Variants in RBBP8 observed in about 807,000 individuals in gnomAD.
RBBP8 encodes the protein DNA endonuclease RBBP8.
In RBBP8, 88 loss-of-function variants were observed where a neutral mutation model predicts 108.3. The ratio of observed to expected loss-of-function variants is 0.81; its 90% confidence interval spans 0.68 to 0.97. The LOEUF is 0.97. Among genes scored for constraint, RBBP8 ranks in the 50% least tolerant of loss-of-function variants. RBBP8 has a pLI of 0.00. For synonymous variants in RBBP8, 332 were observed against 348.2 expected (o/e 0.95, Z 0.52); for missense variants, 1,023 against 1,049.0 (o/e 0.98, Z 0.34).
chr18:22,936,693 T>C (rs2144395702), intron 1 of RBBP8, 61 bp from the exon 2 acceptor site: 2 of 753,122 alleles, frequency 2.7e-6, no homozygotes, highest in East Asian at 2.7e-5. Flanking sequence ...TGTTTCATCC[T>C]GATTTCAAAG....
intron 18 of RBBP8, among the ~76,000 whole-genome samples, chr18:23,022,651 TATAA>T (rs1429409066): frequency 7.1e-5 from 6 of 84,366 alleles, no homozygotes; most frequent in African/African-American, 2.9e-4. Context: ...TAAAATACAA[TATAA>T]AATAAAATAA....
chr18:22,985,504 G>A (rs1226767391), intron 8 of RBBP8, among the ~76,000 whole-genome samples: 3 of 152,078 alleles, frequency 2.0e-5, no homozygotes, highest in Admixed American at 6.6e-5. Flanking sequence ...TAGCAAGCCC[G>A]GAGGCTTTGC....
intron 4 of RBBP8, among the ~76,000 whole-genome samples, chr18:22,967,131 C>T (rs1414804920): frequency 6.6e-6 from 1 of 152,032 alleles, no homozygotes; most frequent in African/African-American, 2.4e-5. Flanking sequence ...CTTTGGGAGG[C>T]GGAAGCAAGC....
At chr18:22,928,859 A>G (rs573865509), upstream of RBBP8, among the ~76,000 whole-genome samples, 12 of 152,086 alleles carry the variant, frequency 7.9e-5, no homozygotes, top group African/African-American at 2.9e-4. Flanking sequence ...TAGTAGAAAC[A>G]GGGTTTCACC....
intron 4 of RBBP8, among the ~76,000 whole-genome samples, chr18:22,954,615 T>C (rs944684027): frequency 2.0e-5 from 3 of 152,154 alleles, no homozygotes; most frequent in Admixed American, 1.3e-4. Context: ...GTGCAAGCTG[T>C]TGGTGGATCT....
intron 8 of RBBP8, 181 bp downstream of exon 8, chr18:22,985,171 C>T (rs1194710164): frequency 5.9e-6 from 2 of 341,172 alleles, no homozygotes; most frequent in Non-Finnish European, 8.3e-6. Flanking sequence ...TATAAATATC[C>T]CTAATCATAT....
chr18:22,927,902 TAA>T (rs1189776313), intron 3 of RBBP8, among the ~76,000 whole-genome samples: 2 of 112,818 alleles, frequency 1.8e-5, no homozygotes. Flanking sequence ...CTCAAAAAAT[TAA>T]AAAAAAAAAA....
At chr18:22,948,014 C>T (rs966959156) in intron 3 of RBBP8, among the ~76,000 whole-genome samples, 1 of 152,112 alleles carries the variant, frequency 6.6e-6, no homozygotes, top group Middle Eastern at 3.4e-3. Context: ...GAGTTCTGTT[C>T]ATCATTTAAG....
At chr18:22,974,372 A>G (rs1005808032) in intron 5 of RBBP8, among the ~76,000 whole-genome samples, 1 of 152,222 alleles carries the variant, frequency 6.6e-6, no homozygotes, top group Non-Finnish European at 1.5e-5. Context: ...ATAATTATTC[A>G]TGAAACCTAG....
chr18:23,022,658 T>TAAATAAATATAAAA (rs2046383455), intron 18 of RBBP8, among the ~76,000 whole-genome samples: 1 of 83,760 alleles, frequency 1.2e-5, no homozygotes, highest in African/African-American at 3.3e-5. Flanking sequence ...CAATATAAAA[T>TAAATAAATATAAAA]AAAATAAAAT....
At chr18:22,953,763 A>G (rs1421524712) in intron 4 of RBBP8, among the ~76,000 whole-genome samples, 1 of 150,384 alleles carries the variant, frequency 6.6e-6, no homozygotes, top group Non-Finnish European at 1.5e-5. Context: ...TTTTCCCTGT[A>G]TTAGTCCATT....
rs989679332 is a variant in RBBP8 at position 23,011,612 on chromosome 18, T to G, written c.2357+5180T>G. On this transcript the variant is annotated intron_variant, in intron 16 of 18. Coordinates refer to ENST00000327155, the MANE Select transcript of RBBP8 (RefSeq NM_002894.3). ...CCACCACGCCTGGCTAATTTTTTTG[T>G]GTTTTTTTAGTAGAGATGGGGTTTC... 2.4e-4 allele frequency among the ~76,000 whole-genome samples: 36 copies of G among 151,900 alleles called. 1 individual carries two copies. The highest frequency in any genetic ancestry group is 1.9e-4 in the Non-Finnish European group (13 of 67,964).
chr18:22,951,500 C>G (rs1912033170), intron 4 of RBBP8, among the ~76,000 whole-genome samples: 2 of 152,322 alleles, frequency 1.3e-5, no homozygotes, highest in East Asian at 1.9e-4. Flanking sequence ...TCCCACTGTA[C>G]TCGTACAACA....
At chr18:22,931,149 G>T (rs1906546677), upstream of RBBP8, among the ~76,000 whole-genome samples, 3 of 152,166 alleles carry the variant, frequency 2.0e-5, no homozygotes, top group South Asian at 6.2e-4. Context: ...GAGGTTACAT[G>T]GTACTGTAGG....
rs747770290 is a variant in RBBP8, at chr18:22,968,803, T to A, written c.249-3T>A. Reference sequence around the variant, plus strand: ...ATGAAAAATACCTTGTTTTGTTTCATAGGTTAAGAGCAGGCTTATGTGATC... The same window carrying A: ...ATGAAAAATACCTTGTTTTGTTTCAAAGGTTAAGAGCAGGCTTATGTGATC... On this transcript the variant is annotated splice_region_variant and splice_polypyrimidine_tract_variant and intron_variant, in intron 4 of 18. Coordinates refer to ENST00000327155, the MANE Select transcript of RBBP8 (RefSeq NM_002894.3). The A allele has an allele frequency of 6.2e-7, 1 of 1,611,046 alleles. No individual in the cohort carries two copies. The highest frequency in any genetic ancestry group is 1.3e-5 in the African/African-American group (1 of 74,844).
chr18:22,952,182 G>C (rs78768134), intron 4 of RBBP8, among the ~76,000 whole-genome samples: 1 of 152,280 alleles, frequency 6.6e-6, no homozygotes, highest in East Asian at 1.9e-4. Context: ...TTTTAATTGT[G>C]ATGGAAACCA....
At chr18:22,951,299 A>G (rs192751289) in intron 4 of RBBP8, among the ~76,000 whole-genome samples, 2 of 152,330 alleles carry the variant, frequency 1.3e-5, no homozygotes, top group Non-Finnish European at 2.9e-5. Flanking sequence ...TAAGACTTAC[A>G]TATCTTAGTT....
At chr18:22,953,225 G>A (rs1002159619) in intron 4 of RBBP8, among the ~76,000 whole-genome samples, 2 of 152,212 alleles carry the variant, frequency 1.3e-5, no homozygotes, top group Admixed American at 1.3e-4. Flanking sequence ...CTCATTTATA[G>A]CAGGATCTGA....
chr18:22,992,430 A>G (rs1027590206), intron 10 of RBBP8, among the ~76,000 whole-genome samples: 2 of 152,198 alleles, frequency 1.3e-5, no homozygotes, highest in African/African-American at 4.8e-5. Flanking sequence ...TTCTGGCCTC[A>G]AGTGATCTGC....
Sources: allele counts gnomAD v4.1 joint callset (sites outside exome capture counted in the v4.1 genomes callset), GRCh38; gene constraint gnomAD v4.1.1; transcripts MANE v1.5; gene names NCBI Gene and HGNC (gene_info 2026-07-23, HGNC 2026-07-21).